PREX2: variants seen among roughly 807,000 people sequenced by gnomAD.
The protein encoded by PREX2 is phosphatidylinositol-3,4,5-trisphosphate dependent Rac exchange factor 2.
PREX2 carries 107 observed loss-of-function variants against 203.2 expected under a neutral mutation model. That is an observed-to-expected ratio of 0.53 (90% confidence interval 0.45 to 0.62). PREX2 has a LOEUF of 0.62. Among genes scored for constraint, PREX2 ranks in the 20% least tolerant of loss-of-function variants. The pLI is 0.00. For missense variants in PREX2, 1,777 were observed against 1,955.9 expected, an observed-to-expected ratio of 0.91 and a Z score of 1.72; for synonymous variants, 672 against 663.6, an observed-to-expected ratio of 1.01 and a Z score of -0.19.
At chr8:67,976,588 T>C (rs111205616) in intron 1 of PREX2, among the ~76,000 whole-genome samples, 9,047 of 32,096 alleles carry the variant, frequency 0.28, 1,083 homozygotes, top group East Asian at 0.45. Context: ...GAGAGAGAGA[T>C]GGGAGAGAGA....
chr8:68,098,938 G>GTGTATATATATATA (rs1352978343), intron 22 of PREX2, among the ~76,000 whole-genome samples: 1 of 109,820 alleles, frequency 9.1e-6, no homozygotes, highest in African/African-American at 3.8e-5. Context: ...ATATATATGT[G>GTGTATATATATATA]TATATATATA....
At chr8:68,123,605 A>G (rs1208172920) in intron 30 of PREX2, among the ~76,000 whole-genome samples, 1 of 152,016 alleles carries the variant, frequency 6.6e-6, no homozygotes, top group Non-Finnish European at 1.5e-5. Context: ...ATGTGCATTT[A>G]CACATAAATA....
chr8:68,181,210 C>T (rs552851639), intron 35 of PREX2, among the ~76,000 whole-genome samples: 10 of 152,216 alleles, frequency 6.6e-5, no homozygotes, highest in East Asian at 1.9e-4. Flanking sequence ...CACCTTTGAT[C>T]GGTCTGTTCA....
chr8:68,166,529 G>A (rs554289558), intron 35 of PREX2, among the ~76,000 whole-genome samples: 6 of 152,270 alleles, frequency 3.9e-5, no homozygotes, highest in African/African-American at 1.4e-4. Context: ...AAGAAAGGGG[G>A]ATGGGGAGTT....
chr8:68,009,216 A>G (rs1447420046), intron 1 of PREX2, among the ~76,000 whole-genome samples: 1 of 152,178 alleles, frequency 6.6e-6, no homozygotes, highest in Non-Finnish European at 1.5e-5. Context: ...TCGGAACTGC[A>G]TTCTTGAATA....
chr8:68,117,454 A>G (rs1057488919), intron 26 of PREX2, among the ~76,000 whole-genome samples: 1 of 152,194 alleles, frequency 6.6e-6, no homozygotes, highest in African/African-American at 2.4e-5. Context: ...CACTTCATTT[A>G]CTTTTCACTT....
rs556405528 is a variant in PREX2 at position 68,167,267 on chromosome 8, G to A, written c.4346+9831G>A. ...CAGCATGGCAGTTGGGATCTTTCAT[G>A]ACTTGGCCCAAGATTGCTTTTGTCT... On this transcript the variant is annotated intron_variant, in intron 35 of 39. Transcript: ENST00000288368. 1.6e-4 allele frequency among the ~76,000 whole-genome samples: 24 copies of A among 151,768 alleles called. No individual in the cohort carries two copies. In the South Asian group the frequency reaches 4.8e-3, roughly 30 times the overall value.
chr8:68,172,412 C>T (rs985200242), intron 35 of PREX2, among the ~76,000 whole-genome samples: 83 of 152,092 alleles, frequency 5.5e-4, no homozygotes, highest in African/African-American at 1.6e-3. Flanking sequence ...ACCTCGTGCC[C>T]GAGAGCCTCA....
intron 7 of PREX2, among the ~76,000 whole-genome samples, chr8:68,044,074 C>A (rs1441561345): frequency 6.6e-6 from 1 of 151,928 alleles, no homozygotes; most frequent in African/African-American, 2.4e-5. Flanking sequence ...GAAGAGGGAT[C>A]ATAAGTAATA....
chr8:68,201,309 G>A (rs1812496927), intron 37 of PREX2, among the ~76,000 whole-genome samples: 1 of 152,094 alleles, frequency 6.6e-6, no homozygotes, highest in African/African-American at 2.4e-5. Context: ...AGGTAGTATG[G>A]AGGGTGTTTG....
rs1173207937 is a variant in PREX2, at chr8:67,952,543, T to A, written c.141+8T>A. 1.2e-6 allele frequency: 2 copies of A among 1,608,162 alleles called. No individual in the cohort carries two copies. The highest frequency in any genetic ancestry group is 1.7e-6 in the Non-Finnish European group (2 of 1,177,396). ...CTGGAGTTCCTGGTGTCGGTGAGTG[T>A]CCCCGGCAGACGCAGGGGGACGTCC... is the stretch of plus-strand genomic sequence containing the variant. On this transcript the variant is annotated splice_region_variant and intron_variant, in intron 1 of 39. Transcript: ENST00000288368.
intron 1 of PREX2, among the ~76,000 whole-genome samples, chr8:67,965,515 G>T (rs77997660): frequency 6.7e-6 from 1 of 150,318 alleles, no homozygotes; most frequent in Non-Finnish European, 1.5e-5. Flanking sequence ...ATATGTGTGT[G>T]TATATATATA....
intron 22 of PREX2, among the ~76,000 whole-genome samples, chr8:68,097,445 C>T (rs1810119525): frequency 6.6e-6 from 1 of 151,970 alleles, no homozygotes; most frequent in Non-Finnish European, 1.5e-5. Context: ...ATGCCTCAGT[C>T]TCCCAAGTAG....
intron 7 of PREX2, among the ~76,000 whole-genome samples, chr8:68,043,566 A>G (rs1195980124): frequency 2.0e-5 from 3 of 152,114 alleles, no homozygotes; most frequent in African/African-American, 7.2e-5. Context: ...AACACAACAC[A>G]TTAATCATTA....
chr8:68,021,882 G>A (rs1807578862), intron 3 of PREX2, among the ~76,000 whole-genome samples, 154 bp from the exon 4 acceptor site: 1 of 151,924 alleles, frequency 6.6e-6, no homozygotes, highest in African/African-American at 2.4e-5. Flanking sequence ...CATGGGCCAG[G>A]GAAAATAAAC....
intron 14 of PREX2, among the ~76,000 whole-genome samples, chr8:68,074,402 A>G (rs531060934): frequency 3.0e-4 from 45 of 152,302 alleles, no homozygotes; most frequent in Non-Finnish European, 5.6e-4. Context: ...AGTTATATAA[A>G]CTTAGACAAG....
chr8:68,067,326 A>G (rs1809046078), intron 11 of PREX2, among the ~76,000 whole-genome samples: 1 of 152,126 alleles, frequency 6.6e-6, no homozygotes, highest in South Asian at 2.1e-4. Flanking sequence ...GGACATTTTA[A>G]CAATATTAAT....
intron 22 of PREX2, among the ~76,000 whole-genome samples, chr8:68,098,601 A>G (rs1255521747): frequency 6.6e-6 from 1 of 152,082 alleles, no homozygotes; most frequent in African/African-American, 2.4e-5. Flanking sequence ...AGCTATTTCA[A>G]GTTTGCAGAA....
At chr8:67,993,801 T>C (rs758630235) in intron 1 of PREX2, among the ~76,000 whole-genome samples, 3 of 152,182 alleles carry the variant, frequency 2.0e-5, no homozygotes, top group Admixed American at 1.3e-4. Context: ...ATATTAAATG[T>C]CAAGCATTCT....
Sources: allele counts gnomAD v4.1 joint callset (sites outside exome capture counted in the v4.1 genomes callset), GRCh38; gene constraint gnomAD v4.1.1; transcripts MANE v1.5; gene names NCBI Gene and HGNC (gene_info 2026-07-23, HGNC 2026-07-21).